Variants in SETD7 observed in about 807,000 individuals in gnomAD.
SETD7 encodes the protein histone-lysine N-methyltransferase SETD7.
A neutral mutation model predicts 41.8 loss-of-function variants in SETD7; 16 were observed. The observed-to-expected ratio is 0.38, with a 90% CI of 0.26 to 0.58. The LOEUF (loss-of-function observed/expected upper bound fraction) is 0.58. SETD7 is among the 20% of genes least tolerant of loss of function. The pLI is 0.64. For synonymous variants in SETD7, 163 were observed against 169.7 expected, an observed-to-expected ratio of 0.96 and a Z score of 0.31; for missense variants, 346 against 459.7, an observed-to-expected ratio of 0.75 and a Z score of 2.26.
chr4:139,502,203 GA>G (rs1032991839), downstream of SETD7, among the ~76,000 whole-genome samples: 3 of 152,168 alleles, frequency 2.0e-5, no homozygotes, highest in African/African-American at 7.2e-5. Flanking sequence ...AAATGTTAAG[GA>G]TATGTTAGTG....
downstream of SETD7, among the ~76,000 whole-genome samples, chr4:139,504,149 G>A (rs1459664957): frequency 6.6e-6 from 1 of 152,196 alleles, no homozygotes; most frequent in Non-Finnish European, 1.5e-5. Context: ...AGGCCATATT[G>A]AGTTGAGCTT....
rs1247701260 is a variant in SETD7 at position 139,523,221 on chromosome 4, C to T, written c.644+133G>A. On this transcript the variant is annotated intron_variant, in intron 5 of 7. Coordinates refer to ENST00000274031, the MANE Select transcript of SETD7 (RefSeq NM_030648.4). ...TTTGAGGGTTGGCAAAGGAAAAGGA[C>T]ACTTTCATGAGGAGCTTGGTCTGAG... 1.5e-5 allele frequency: 9 copies of T among 592,040 alleles called. No individual in the cohort carries two copies. The Admixed American group carries it at 1.8e-4, about 12-fold the overall frequency. The allele number at this position is 592,040 out of a possible 1,614,324, so 36.7% of individuals were successfully genotyped here.
intron 2 of SETD7, among the ~76,000 whole-genome samples, chr4:139,540,346 C>T (rs1446888943): frequency 6.6e-6 from 1 of 152,198 alleles, no homozygotes; most frequent in African/African-American, 2.4e-5. Flanking sequence ...TCCAGAACTC[C>T]TTTTAACATT....
chr4:139,495,897 A>G (rs113434617), downstream of SETD7: 2 of 152,542 alleles, frequency 1.3e-5, no homozygotes, highest in African/African-American at 4.8e-5. Flanking sequence ...CCTCTGTGAC[A>G]CTGTTTTTTT....
intron 2 of SETD7, among the ~76,000 whole-genome samples, chr4:139,545,132 A>G (rs1161151506): frequency 6.6e-6 from 1 of 152,166 alleles, no homozygotes; most frequent in Admixed American, 6.5e-5. Context: ...TGGGGCAGGA[A>G]AAGTTTCCCT....
chr4:139,529,829 T>A (rs1727432487), intron 3 of SETD7, among the ~76,000 whole-genome samples: 1 of 152,210 alleles, frequency 6.6e-6, no homozygotes, highest in African/African-American at 2.4e-5. Flanking sequence ...GAGACTCCTA[T>A]ACCATCACCT....
chr4:139,514,199 C>T (rs955407714), intron 7 of SETD7, among the ~76,000 whole-genome samples: 20 of 151,970 alleles, frequency 1.3e-4, no homozygotes, highest in East Asian at 5.8e-4. Flanking sequence ...GTGGGAGGAT[C>T]GCTCGAGACT....
chr4:139,539,454 G>A (rs1006543236), intron 2 of SETD7, among the ~76,000 whole-genome samples: 1 of 152,126 alleles, frequency 6.6e-6, no homozygotes, highest in Non-Finnish European at 1.5e-5. Flanking sequence ...CAAGGTGTTG[G>A]AGCAAGTTTG....
chr4:139,530,822 A>G (rs1727464049), intron 3 of SETD7, among the ~76,000 whole-genome samples: 1 of 152,210 alleles, frequency 6.6e-6, no homozygotes, highest in Non-Finnish European at 1.5e-5. Context: ...CTTATATGAA[A>G]AACTTTTTCG....
chr4:139,521,910 G>C (rs543347431), intron 5 of SETD7, among the ~76,000 whole-genome samples: 1 of 152,336 alleles, frequency 6.6e-6, no homozygotes, highest in African/African-American at 2.4e-5. Flanking sequence ...CTGGAGTCCA[G>C]CCTAGGCCAG....
rs958038023 is a variant in SETD7, at chr4:139,545,610, A to G, written c.170+1310T>C. Among the ~76,000 whole-genome samples the G allele has an allele frequency of 7.2e-5, 11 of 152,314 alleles. 1 individual carries two copies. In the East Asian group the frequency reaches 2.1e-3, roughly 29 times the overall value. ...TATAATTAAAATGAAATTTTACAAA[A>G]GTCATTTAGAAGGTTTTTATTGCTG... On this transcript the variant is annotated intron_variant, in intron 2 of 7. Transcript: ENST00000274031.
At chr4:139,495,385 CA>C (rs1447406285), downstream of SETD7, among the ~76,000 whole-genome samples, 1 of 152,154 alleles carries the variant, frequency 6.6e-6, no homozygotes, top group African/African-American at 2.4e-5. Flanking sequence ...AAATCAGAAC[CA>C]GGGGCAGTGT....
At chr4:139,495,868 C>T (rs1726444013), downstream of SETD7, 1 of 152,354 alleles carries the variant, frequency 6.6e-6, no homozygotes, top group East Asian at 1.9e-4. Context: ...ATTGCTTGGG[C>T]AGAGTTAGGT....
chr4:139,539,369 C>G (rs1349343462), intron 2 of SETD7, among the ~76,000 whole-genome samples: 1 of 152,190 alleles, frequency 6.6e-6, no homozygotes, highest in Non-Finnish European at 1.5e-5. Flanking sequence ...ACACTGCAAA[C>G]TAAGCAAAGA....
At chr4:139,551,746 C>T (rs183886827) in intron 1 of SETD7, among the ~76,000 whole-genome samples, 30 of 152,196 alleles carry the variant, frequency 2.0e-4, no homozygotes, top group African/African-American at 6.0e-4. Flanking sequence ...ATAGGCCGGG[C>T]GCGGTGGCTC....
At chr4:139,497,021 T>C (rs990480514) in intron 7 of SETD7, among the ~76,000 whole-genome samples, 8 of 152,168 alleles carry the variant, frequency 5.3e-5, no homozygotes, top group Non-Finnish European at 1.2e-4. Context: ...CAGATAACTG[T>C]GCTCCAGGCA....
intron 4 of SETD7, among the ~76,000 whole-genome samples, chr4:139,527,329 A>G (rs974378532): frequency 1.3e-5 from 2 of 152,192 alleles, no homozygotes; most frequent in Non-Finnish European, 2.9e-5. Flanking sequence ...CGAGGCAGGA[A>G]GATTGCTTGA....
chr4:139,530,464 G>C (rs897117518), intron 3 of SETD7, among the ~76,000 whole-genome samples: 2 of 148,922 alleles, frequency 1.3e-5, no homozygotes, highest in African/African-American at 2.5e-5. Context: ...TTAATGGATA[G>C]AAAGTGCACT....
intron 7 of SETD7, among the ~76,000 whole-genome samples, chr4:139,515,656 A>G (rs887329219): frequency 1.3e-5 from 2 of 152,178 alleles, no homozygotes; most frequent in Non-Finnish European, 2.9e-5. Context: ...GTCCTTTGCC[A>G]TTTCTACCCG....
Sources: gnomAD v4.1 joint callset for allele counts (sites outside exome capture counted in the v4.1 genomes callset) on GRCh38, gnomAD v4.1.1 for gene constraint, MANE v1.5 for transcripts, NCBI Gene and HGNC (gene_info 2026-07-23, HGNC 2026-07-21) for gene names.